GATA1: variants seen among roughly 807,000 people sequenced by gnomAD.
GATA1 encodes GATA binding protein 1.
GATA1 carries 2 observed loss-of-function variants against 18.9 expected under a neutral mutation model. That is an observed-to-expected ratio of 0.11 (90% CI 0.04 to 0.33). The LOEUF (loss-of-function observed/expected upper bound fraction) is 0.33, where lower values mean the gene tolerates loss of function less well. Ranked by LOEUF, GATA1 falls within the 10% of genes least tolerant of loss-of-function variation. GATA1 has a pLI of 1.00. For synonymous variants in GATA1, 152 were observed against 149.1 expected, an observed-to-expected ratio of 1.02 and a Z score of -0.14; for missense variants, 272 against 344.7, an observed-to-expected ratio of 0.79 and a Z score of 1.67.
intron 1 of GATA1, among the ~76,000 whole-genome samples, 173 bp from the exon 2 acceptor site, chrX:48,790,918 G>A (rs782091239): frequency 2.2e-5 from 2 of 91,092 alleles, no homozygotes; most frequent in African/African-American, 8.2e-5. Flanking sequence ...GAGAAGGAGG[G>A]GAAGGAGAGG....
At chrX:48,787,340 C>T (rs2062661359) in intron 1 of GATA1, among the ~76,000 whole-genome samples, 1 of 111,202 alleles carries the variant, frequency 9.0e-6, no homozygotes, top group South Asian at 3.8e-4. Context: ...GTCTGCCTTC[C>T]CCAAACCGTA....
Position 48,793,252 on chromosome X carries a change from G to C in GATA1, c.825G>C (p.Gly275=). The part of the protein sequence containing the change: ...TTTLWRRNAS[G]DPVCNACGLY... ...CACTGTGGCGGAGAAATGCCAGTGG[G>C]GATCCCGTGTGCAATGCCTGCGGCC... Residue 275 remains glycine (G), a synonymous_variant, in exon 5 of 6, where the codon GGG becomes GGC. Transcript: ENST00000376670. 8.3e-7 allele frequency: 1 copy of C among 1,209,857 alleles called. No homozygotes were observed. The highest frequency in any genetic ancestry group is 1.1e-6 in the Non-Finnish European group (1 of 894,727).
Position 48,791,983 on chromosome X carries a change from C to T in GATA1, c.360C>T (p.Ala120=), listed in dbSNP as rs782008052. 22 of 1,211,725 alleles carry T rather than the reference C, an allele frequency of 1.8e-5. No individual in the cohort carries two copies. In the East Asian group the frequency reaches 5.6e-4, roughly 31 times the overall value. The change falls in exon 3 of 6, where the codon GCC becomes GCT. Residue 120 remains alanine, a synonymous_variant. Coordinates refer to ENST00000376670, the MANE Select transcript of GATA1 (RefSeq NM_002049.4). ...CCCGCGAGGACTCTCCTCCCCAGGC[C>T]GTGGAAGATCTGGATGGAAAAGGCA... ...CPTREDSPPQ[A]VEDLDGKGST... is the part of the protein sequence containing the mutation.
In GATA1 at chrX:48,792,435, G is replaced by A. The variant is rs1204529779; in HGVS notation, c.711G>A (p.Gln237=). ...ACGLYHKMNG[Q]NRPLIRPKKR... ...GCCTCTATCACAAGATGAATGGGCAGAACAGGCCCCTCATCCGGCCCAAGA... is the reference window on the plus strand; with the variant it reads ...GCCTCTATCACAAGATGAATGGGCAAAACAGGCCCCTCATCCGGCCCAAGA... Residue 237 remains glutamine, a synonymous_variant, in exon 4 of 6, where the codon CAG becomes CAA. Coordinates refer to ENST00000376670, the MANE Select transcript of GATA1 (RefSeq NM_002049.4). 5.0e-6 allele frequency: 6 copies of A among 1,212,004 alleles called. No homozygotes were observed. The highest frequency in any genetic ancestry group is 6.7e-6 in the Non-Finnish European group (6 of 895,524).
chrX:48,791,003 G>A (rs2062672687), intron 1 of GATA1, 88 bp from the exon 2 acceptor site: 1 of 591,290 alleles, frequency 1.7e-6, no homozygotes, highest in African/African-American at 2.4e-5. Flanking sequence ...GATGGAGTGG[G>A]AGGAGGGGGA....
At chrX:48,789,266 C>A (rs1557019608) in intron 1 of GATA1, among the ~76,000 whole-genome samples, 3 of 104,400 alleles carry the variant, frequency 2.9e-5, no homozygotes, top group Non-Finnish European at 5.9e-5. Flanking sequence ...GAGATCGCAC[C>A]ACTGCACACC....
chrX:48,788,379 G>A (rs965614828), intron 1 of GATA1, among the ~76,000 whole-genome samples: 5 of 110,488 alleles, frequency 4.5e-5, no homozygotes, highest in Non-Finnish European at 9.5e-5. Context: ...GGAAAGACCC[G>A]GGAGCAGAAA....
intron 1 of GATA1, among the ~76,000 whole-genome samples, chrX:48,787,754 A>G (rs1272995833): frequency 1.8e-5 from 2 of 110,563 alleles, no homozygotes; most frequent in African/African-American, 3.3e-5. Context: ...ACTTAACCCC[A>G]TATCTGACCT....
At chrX:48,786,918 T>TAGG (rs1227113057) in intron 1 of GATA1, among the ~76,000 whole-genome samples, 2 of 110,456 alleles carry the variant, frequency 1.8e-5, no homozygotes, top group African/African-American at 6.6e-5. Flanking sequence ...GCTATACCCC[T>TAGG]AGGTCTGTCT....
Position 48,791,312 on chromosome X carries a change from C to T in GATA1, c.203C>T (p.Ala68Val). ...CTGGCCTACTACAGGGACGCTGAGG[C>T]CTACAGACACTCCCCAGGTAACTCC... ...AALAYYRDAE[A>V]YRHSPVFQVY... Residue 68 changes from alanine (A) to valine (V), a missense_variant, in exon 2 of 6, where the codon GCC (alanine) becomes GTC (valine). Physicochemically the swap from Ala to Val is moderately conservative, Grantham distance 64 (BLOSUM62 0). This residue lies in a region of GATA1 where 147 missense variants were observed against 157.4 expected (regional missense o/e 0.93). Transcript: ENST00000376670. 8.3e-7 allele frequency: 1 copy of T among 1,202,357 alleles called. No individual in the cohort carries two copies.
intron 4 of GATA1, 101 bp downstream of exon 4, chrX:48,792,569 A>T: frequency 9.1e-7 from 1 of 1,098,036 alleles, no homozygotes; most frequent in East Asian, 3.1e-5. Flanking sequence ...TGTTCTCATG[A>T]TTACAGGAAG....
chrX:48,792,970 T>C lies in GATA1; in HGVS notation c.745-202T>C, dbSNP rs2293950. 6.3e-5 allele frequency among the ~76,000 whole-genome samples: 7 copies of C among 110,890 alleles called. No homozygotes were observed. The East Asian group carries it at 2.0e-3, about 32-fold the overall frequency. On this transcript the variant is annotated intron_variant, in intron 4 of 5. Transcript: ENST00000376670. ...TGAGAACCACCAATGTAGTCCCCCA[T>C]AGAATACAGAACAAAAGAAACTTAT... is the stretch of plus-strand genomic sequence containing the variant.
In GATA1 at chrX:48,793,248, G is replaced by T; in HGVS notation, c.821G>T (p.Ser274Ile). 2 of 1,210,055 alleles carry T rather than the reference G, an allele frequency of 1.7e-6. No individual in the cohort carries two copies. The change falls in exon 5 of 6, where the codon AGT becomes ATT. Residue 274 changes from serine (S) to isoleucine (I), a missense_variant. Ser to Ile is a moderately radical substitution (Grantham distance 142, BLOSUM62 -2). Coordinates refer to ENST00000376670, the MANE Select transcript of GATA1 (RefSeq NM_002049.4). ...TTTTLWRRNA[S>I]GDPVCNACGL... is the part of the protein sequence containing the mutation. ...ACGACACTGTGGCGGAGAAATGCCAGTGGGGATCCCGTGTGCAATGCCTGC... is the reference window on the plus strand; with the variant it reads ...ACGACACTGTGGCGGAGAAATGCCATTGGGGATCCCGTGTGCAATGCCTGC...
At chrX:48,788,366 G>A (rs781862939) in intron 1 of GATA1, among the ~76,000 whole-genome samples, 1 of 110,892 alleles carries the variant, frequency 9.0e-6, no homozygotes, top group African/African-American at 3.3e-5. Context: ...CGGAGAAAAA[G>A]AAGGAAAGAC....
At chrX:48,790,936 A>G (rs2062672366) in intron 1 of GATA1, among the ~76,000 whole-genome samples, 155 bp from the exon 2 acceptor site, 1 of 83,563 alleles carries the variant, frequency 1.2e-5, no homozygotes, top group African/African-American at 4.5e-5. Context: ...AGGGGAGACT[A>G]AGGTGAGGAG....
At chrX:48,790,374 C>T (rs1221578776) in intron 1 of GATA1, among the ~76,000 whole-genome samples, 2 of 111,043 alleles carry the variant, frequency 1.8e-5, no homozygotes, top group East Asian at 5.7e-4. Context: ...AGGATCACTG[C>T]CGGGAGGCAG....
rs2062678174 is a variant in GATA1, at chrX:48,792,403, G to A, written c.679G>A (p.Ala227Thr). 1.7e-6 allele frequency: 2 copies of A among 1,211,540 alleles called. No individual in the cohort carries two copies. The highest frequency in any genetic ancestry group is 2.2e-6 in the Non-Finnish European group (2 of 895,413). The change falls in exon 4 of 6, where the codon GCC becomes ACC. Residue 227 changes from alanine (A) to threonine (T), a missense_variant. Transcript: ENST00000376670. The stretch of plus-strand genomic sequence containing the variant: ...CAGGACAGGCCACTACCTATGCAAC[G>A]CCTGCGGCCTCTATCACAAGATGAA... ...RDRTGHYLCN[A>T]CGLYHKMNGQ...
At chrX:48,793,113 C>T in intron 4 of GATA1, 59 bp from the exon 5 acceptor site, 1 of 1,184,825 alleles carries the variant, frequency 8.4e-7, no homozygotes. Flanking sequence ...CCCCTGTGAG[C>T]CCCTTACCCC....
intron 2 of GATA1, 108 bp from the exon 3 acceptor site, chrX:48,791,736 G>T: frequency 1.0e-6 from 1 of 959,285 alleles, no homozygotes; most frequent in Non-Finnish European, 1.5e-6. Flanking sequence ...GAAAAGCTGG[G>T]AACTTGGCCA....
Sources: gnomAD v4.1 joint callset for allele counts (sites outside exome capture counted in the v4.1 genomes callset) on GRCh38, gnomAD v4.1.1 for gene constraint, gnomAD v4.1.1 regional missense constraint, MANE v1.5 for transcripts, NCBI Gene and HGNC (gene_info 2026-07-23, HGNC 2026-07-21) for gene names.